Variants in AKAP19 observed in about 807,000 individuals in gnomAD.
The protein encoded by AKAP19 is A-kinase anchoring protein 19.
chr2:190,201,211 C>T, the AKAP19 span: 2 of 166,950 alleles, frequency 1.2e-5, no homozygotes, highest in Admixed American at 1.3e-4. Flanking sequence ...TTCCATAAGC[C>T]TGGCTACCTT....
At chr2:189,929,796 C>CTT in the AKAP19 span, among the ~76,000 whole-genome samples, 1 of 152,050 alleles carries the variant, frequency 6.6e-6, no homozygotes, top group African/African-American at 2.4e-5. Flanking sequence ...CTTTAAACTA[C>CTT]TTTTTTTGTG....
At chr2:189,884,503 A>G in the AKAP19 span, among the ~76,000 whole-genome samples, 2 of 152,160 alleles carry the variant, frequency 1.3e-5, no homozygotes, top group Non-Finnish European at 2.9e-5. Context: ...CCCCATATAC[A>G]TAGTAATAAT....
chr2:190,058,475 G>A, the AKAP19 span, among the ~76,000 whole-genome samples: 1 of 151,922 alleles, frequency 6.6e-6, no homozygotes, highest in Admixed American at 6.6e-5. Context: ...CATTTTGGGA[G>A]TCATTAACAT....
chr2:189,974,089 T>A, the AKAP19 span, among the ~76,000 whole-genome samples: 11 of 152,344 alleles, frequency 7.2e-5, no homozygotes, highest in African/African-American at 2.4e-4. Flanking sequence ...CAATTTTAGA[T>A]CTTTCCTGCT....
chr2:189,951,445 C>T, the AKAP19 span, among the ~76,000 whole-genome samples: 2 of 152,036 alleles, frequency 1.3e-5, no homozygotes, highest in African/African-American at 4.8e-5. Context: ...CCAAGTAATC[C>T]GCCCACCTTG....
chr2:190,030,989 A>C, the AKAP19 span, among the ~76,000 whole-genome samples: 2 of 152,208 alleles, frequency 1.3e-5, no homozygotes, highest in Admixed American at 1.3e-4. Flanking sequence ...TCCATCAAAG[A>C]TAATTCACGG....
the AKAP19 span, among the ~76,000 whole-genome samples, chr2:190,173,617 C>T: frequency 5.9e-3 from 900 of 152,282 alleles, 4 homozygotes; most frequent in African/African-American, 0.02. Flanking sequence ...CCAGATAGAT[C>T]ATCTGACTTC....
chr2:190,031,075 G>A, the AKAP19 span, among the ~76,000 whole-genome samples: 1 of 152,200 alleles, frequency 6.6e-6, no homozygotes, highest in South Asian at 2.1e-4. Context: ...CATCTGCTGA[G>A]AAACAGAAGT....
At chr2:190,100,164 G>GACT in the AKAP19 span, among the ~76,000 whole-genome samples, 1 of 152,264 alleles carries the variant, frequency 6.6e-6, no homozygotes, top group Non-Finnish European at 1.5e-5. Context: ...GAGACTAAGG[G>GACT]AACTCTGCCC....
the AKAP19 span, among the ~76,000 whole-genome samples, chr2:190,179,279 G>A: frequency 6.6e-6 from 1 of 151,934 alleles, no homozygotes; most frequent in Admixed American, 6.5e-5. This position sits in a 1 kb window ranked among gnomAD's most constrained non-coding sequence, Gnocchi z 6.0. Context: ...ATGGTGGCAG[G>A]CGCCTGTAAT....
chr2:189,974,191 G>C, the AKAP19 span, among the ~76,000 whole-genome samples: 2 of 151,930 alleles, frequency 1.3e-5, no homozygotes, highest in African/African-American at 2.4e-5. Context: ...CTTTGTTCTC[G>C]TTGGTTTCAA....
the AKAP19 span, among the ~76,000 whole-genome samples, chr2:190,127,192 G>GAA: frequency 4.0e-4 from 57 of 141,148 alleles, 1 homozygote; most frequent in African/African-American, 1.2e-3. Context: ...GCCCTGACTG[G>GAA]AAAAAAAAAA....
the AKAP19 span, among the ~76,000 whole-genome samples, chr2:190,175,006 G>GGAGTGCATA: frequency 6.6e-6 from 1 of 151,802 alleles, no homozygotes; most frequent in African/African-American, 2.4e-5. Context: ...TAGATTACAT[G>GGAGTGCATA]GAGTACATAG....
chr2:190,105,219 G>T, the AKAP19 span, among the ~76,000 whole-genome samples: 2 of 152,050 alleles, frequency 1.3e-5, no homozygotes, highest in African/African-American at 4.8e-5. Context: ...GAAAAGACAT[G>T]GAATCAACCT....
the AKAP19 span, among the ~76,000 whole-genome samples, chr2:189,946,670 T>G: frequency 6.6e-6 from 1 of 152,198 alleles, no homozygotes; most frequent in Admixed American, 6.5e-5. Flanking sequence ...ATTACTAGAT[T>G]TTTAGTCACA....
At chr2:190,124,641 T>A in the AKAP19 span, among the ~76,000 whole-genome samples, 3 of 152,148 alleles carry the variant, frequency 2.0e-5, no homozygotes, top group African/African-American at 7.2e-5. Context: ...GCCCAACAGT[T>A]CGAGGCTGCA....
chr2:189,971,902 A>G, the AKAP19 span, among the ~76,000 whole-genome samples: 3 of 151,172 alleles, frequency 2.0e-5, no homozygotes, highest in Admixed American at 6.6e-5. Flanking sequence ...AGATCAGTAG[A>G]TTGCAAAAAT....
chr2:190,078,360 G>A, the AKAP19 span, among the ~76,000 whole-genome samples: 2 of 152,056 alleles, frequency 1.3e-5, no homozygotes, highest in Admixed American at 1.3e-4. Flanking sequence ...ACAGCAGGAA[G>A]GTAAATATAC....
the AKAP19 span, among the ~76,000 whole-genome samples, chr2:189,911,813 T>C: frequency 6.6e-6 from 1 of 152,102 alleles, no homozygotes; most frequent in Non-Finnish European, 1.5e-5. Context: ...GATTAATTGC[T>C]TTAGCAAACA....
Sources: allele counts gnomAD v4.1 joint callset (sites outside exome capture counted in the v4.1 genomes callset), GRCh38; gene constraint gnomAD v4.1.1; non-coding constraint Gnocchi (gnomAD v3.1); transcripts MANE v1.5; gene names NCBI Gene and HGNC (gene_info 2026-07-23, HGNC 2026-07-21).